Variants in KMO observed in about 807,000 individuals in gnomAD.
The protein encoded by KMO is kynurenine 3-monooxygenase, also known as kynurenine 3-hydroxylase.
KMO carries 24 observed loss-of-function variants against 57.8 expected under a neutral mutation model. The ratio of observed to expected loss-of-function variants is 0.42; its 90% CI spans 0.30 to 0.58. KMO has a LOEUF of 0.58. Ranked by LOEUF, KMO falls within the 20% of genes least tolerant of loss-of-function variation. The pLI is 0.22. For missense variants in KMO, 483 were observed against 588.2 expected (o/e 0.82, Z 1.85); for synonymous variants, 210 against 193.6 (o/e 1.08, Z -0.70).
intron 4 of KMO, 73 bp downstream of exon 4, chr1:241,551,117 T>C: frequency 1.2e-6 from 1 of 820,296 alleles, no homozygotes; most frequent in South Asian, 1.6e-5. Context: ...TCTTGTTTGA[T>C]GGCCCCTCTC....
intron 4 of KMO, among the ~76,000 whole-genome samples, chr1:241,552,196 GAGAA>G (rs60224642): frequency 0.5 from 73,017 of 146,126 alleles, 17,809 homozygotes; most frequent in Admixed American, 0.58. Context: ...GAGAGAGAGA[GAGAA>G]AGAGCGTGCA....
At chr1:241,576,154 A>C (rs1244812791) in intron 10 of KMO, among the ~76,000 whole-genome samples, 1 of 151,056 alleles carries the variant, frequency 6.6e-6, no homozygotes, top group Non-Finnish European at 1.5e-5. Flanking sequence ...TGTGAGTCCT[A>C]TGTGTTAGGT....
chr1:241,562,374 C>T, intron 7 of KMO, 42 bp downstream of exon 7: 9 of 1,599,428 alleles, frequency 5.6e-6, no homozygotes, highest in Admixed American at 1.7e-5. Flanking sequence ...ACAACCCTTG[C>T]TCCATGAGCG....
chr1:241,582,456 C>G (rs915467102), intron 10 of KMO, among the ~76,000 whole-genome samples: 2 of 152,074 alleles, frequency 1.3e-5, no homozygotes. Context: ...ATGCTTAATT[C>G]TTTTTTATTC....
At position 241,549,738 on chromosome 1, in the gene KMO, A is replaced by G. The variant is rs1031066289; in HGVS notation, c.186A>G (p.Gly62=). ...TTAACTTAGCCCTTTCTCATAGAGG[A>G]CGACAAGCCTTGAAAGCTGTTGGCC... The part of the protein sequence containing the change: ...RSINLALSHR[G]RQALKAVGLE... Residue 62 remains glycine (G), a synonymous_variant, in exon 3 of 15, where the codon GGA becomes GGG. Coordinates refer to ENST00000366559, the MANE Select transcript of KMO (RefSeq NM_003679.5). 6.2e-7 allele frequency: 1 copy of G among 1,613,366 alleles called. No individual in the cohort carries two copies. The highest frequency in any genetic ancestry group is 1.6e-4 in the Middle Eastern group (1 of 6,062).
chr1:241,542,162 A>C (rs190285766), intron 1 of KMO, among the ~76,000 whole-genome samples: 2 of 152,204 alleles, frequency 1.3e-5, no homozygotes, highest in Admixed American at 1.3e-4. Flanking sequence ...AACATTTATA[A>C]ATTTAAATGG....
intron 4 of KMO, among the ~76,000 whole-genome samples, chr1:241,553,019 G>A (rs1031740610): frequency 1.7e-4 from 26 of 152,294 alleles, no homozygotes; most frequent in African/African-American, 6.0e-4. Context: ...TGAAGGTATT[G>A]AGAATAGATA....
chr1:241,570,500 T>C (rs1662233364), intron 10 of KMO, among the ~76,000 whole-genome samples: 1 of 152,126 alleles, frequency 6.6e-6, no homozygotes, highest in African/African-American at 2.4e-5. Flanking sequence ...CATATGGATA[T>C]CTAGTTTTCC....
intron 14 of KMO, among the ~76,000 whole-genome samples, chr1:241,591,052 G>A (rs1163403549): frequency 1.3e-5 from 2 of 152,156 alleles, no homozygotes; most frequent in East Asian, 3.8e-4. Flanking sequence ...AGCAGACTCA[G>A]GTATGGATTT....
intron 9 of KMO, among the ~76,000 whole-genome samples, chr1:241,566,958 C>T (rs1473581247): frequency 6.6e-6 from 1 of 152,174 alleles, no homozygotes; most frequent in Non-Finnish European, 1.5e-5. Flanking sequence ...ACAGCAGATA[C>T]ATCCGGCAGC....
At chr1:241,564,137 T>C (rs1029860856) in intron 7 of KMO, among the ~76,000 whole-genome samples, 3 of 152,198 alleles carry the variant, frequency 2.0e-5, no homozygotes, top group African/African-American at 4.8e-5. Flanking sequence ...ATAACTATGA[T>C]ACAGTGTAAA....
chr1:241,581,182 T>TAAGA (rs1662735236), intron 10 of KMO, among the ~76,000 whole-genome samples: 1 of 152,180 alleles, frequency 6.6e-6, no homozygotes, highest in Non-Finnish European at 1.5e-5. Flanking sequence ...TTGGAATATC[T>TAAGA]TTTTCCATCC....
chr1:241,559,930 A>G (rs1661776005), intron 5 of KMO, among the ~76,000 whole-genome samples: 2 of 152,142 alleles, frequency 1.3e-5, no homozygotes. Context: ...TTCCAGCTCT[A>G]ACACCTGTAT....
intron 5 of KMO, chr1:241,555,865 C>T (rs560196663): frequency 5.1e-6 from 2 of 391,844 alleles, no homozygotes; most frequent in East Asian, 7.5e-5. Flanking sequence ...AGGCCAGGAT[C>T]GCTTGAGTCC....
intron 10 of KMO, among the ~76,000 whole-genome samples, chr1:241,577,345 C>G (rs1441186845): frequency 6.6e-6 from 1 of 152,068 alleles, no homozygotes; most frequent in African/African-American, 2.4e-5. Flanking sequence ...CTGGTTCCTT[C>G]TAATTTGGGT....
chr1:241,584,053 A>G (rs992664257), intron 10 of KMO, among the ~76,000 whole-genome samples: 1 of 152,136 alleles, frequency 6.6e-6, no homozygotes, highest in Non-Finnish European at 1.5e-5. Flanking sequence ...ATATGTATAC[A>G]TGGGCCATGT....
chr1:241,535,005 C>T (rs1263935598), intron 1 of KMO, among the ~76,000 whole-genome samples: 1 of 151,682 alleles, frequency 6.6e-6, no homozygotes, highest in African/African-American at 2.4e-5. Flanking sequence ...TCTACTCCAA[C>T]TAGGATATAA....
chr1:241,572,461 C>A (rs1157601310), intron 10 of KMO, among the ~76,000 whole-genome samples: 2 of 151,968 alleles, frequency 1.3e-5, no homozygotes, highest in African/African-American at 4.8e-5. Context: ...TGAGTCTTCT[C>A]TCCCTTTTCT....
chr1:241,552,718 G>C (rs1480474341), intron 4 of KMO, among the ~76,000 whole-genome samples: 1 of 152,162 alleles, frequency 6.6e-6, no homozygotes, highest in South Asian at 2.1e-4. Context: ...TGGCACGGGC[G>C]ATAATTTAGA....
Sources: allele counts gnomAD v4.1 joint callset (sites outside exome capture counted in the v4.1 genomes callset), GRCh38; gene constraint gnomAD v4.1.1; transcripts MANE v1.5; gene names NCBI Gene and HGNC (gene_info 2026-07-23, HGNC 2026-07-21).